The following PBX1 variants were observed in gnomAD, a reference collection of about 807,000 sequenced individuals.
PBX1 encodes the protein pre-B-cell leukemia transcription factor 1.
In PBX1, 6 loss-of-function variants were observed where a neutral mutation model predicts 53.4. That is an observed-to-expected ratio of 0.11 (90% CI 0.06 to 0.22). The LOEUF (loss-of-function observed/expected upper bound fraction) is 0.22. Among genes scored for constraint, PBX1 ranks in the 10% least tolerant of loss-of-function variants. PBX1 has a pLI of 1.00. For missense variants in PBX1, 251 were observed against 551.4 expected (o/e 0.46, Z 5.46); for synonymous variants, 204 against 212.3 (o/e 0.96, Z 0.34).
chr1:164,743,780 G>A (rs757248317), intron 2 of PBX1, among the ~76,000 whole-genome samples: 9 of 152,108 alleles, frequency 5.9e-5, no homozygotes, highest in Non-Finnish European at 1.2e-4. Flanking sequence ...AAGGAAGGAA[G>A]GAGAAGACTA....
At chr1:164,814,077 T>G (rs1480655169) in intron 6 of PBX1, 1 of 152,214 alleles carries the variant, frequency 6.6e-6, no homozygotes, top group African/African-American at 2.4e-5. Flanking sequence ...AAAATACTAT[T>G]GTATGTGTGC....
rs367944580 is a variant in PBX1, at chr1:164,718,708, A to G, written c.266-73786A>G. Reference sequence around the variant, plus strand: ...GCCAATGACAGAGGTTGCCTGACTGATGGTTGCCGGAGACTCAGAATGCTT... The same window carrying G: ...GCCAATGACAGAGGTTGCCTGACTGGTGGTTGCCGGAGACTCAGAATGCTT... On this transcript the variant is annotated intron_variant, in intron 2 of 8. Coordinates refer to ENST00000420696, the MANE Select transcript of PBX1 (RefSeq NM_002585.4). 1.9e-4 allele frequency among the ~76,000 whole-genome samples: 29 copies of G among 152,240 alleles called. No individual in the cohort carries two copies. The South Asian group carries it at 5.8e-3, about 31-fold the overall frequency.
chr1:164,645,851 G>A (rs537085429), intron 2 of PBX1, among the ~76,000 whole-genome samples: 2 of 152,270 alleles, frequency 1.3e-5, no homozygotes, highest in African/African-American at 4.8e-5. Flanking sequence ...TTCAGTCCAG[G>A]TTAACAATGG....
At chr1:164,723,928 G>A (rs536692242) in intron 2 of PBX1, among the ~76,000 whole-genome samples, 59 of 152,304 alleles carry the variant, frequency 3.9e-4, no homozygotes, top group Non-Finnish European at 2.8e-4. Context: ...TGAAGTGTGG[G>A]GAGTGTTTAC....
intron 2 of PBX1, among the ~76,000 whole-genome samples, chr1:164,876,403 C>G: frequency 6.8e-6 from 1 of 147,388 alleles, no homozygotes; most frequent in Non-Finnish European, 1.5e-5. Context: ...CTCGGTGGGA[C>G]AATTAGCAGA....
intron 2 of PBX1, among the ~76,000 whole-genome samples, chr1:164,756,527 T>C (rs1349137438): frequency 1.3e-5 from 2 of 152,206 alleles, no homozygotes; most frequent in Admixed American, 6.5e-5. Flanking sequence ...CACTTAGTTA[T>C]GAGGTCTTAA....
At chr1:164,780,471 G>C (rs1667877710) in intron 2 of PBX1, among the ~76,000 whole-genome samples, 1 of 152,148 alleles carries the variant, frequency 6.6e-6, no homozygotes, top group Non-Finnish European at 1.5e-5. Context: ...TCAAGTTCAA[G>C]AAAAGTTAAA....
At chr1:164,870,320 T>TCTTTCTTC (rs1558053731) in intron 2 of PBX1, among the ~76,000 whole-genome samples, 1 of 105,802 alleles carries the variant, frequency 9.5e-6, no homozygotes, top group Non-Finnish European at 1.9e-5. Context: ...TTTCTTTCTT[T>TCTTTCTTC]CTTTCTTTCT....
At chr1:164,735,121 TAA>T (rs1390387116) in intron 2 of PBX1, among the ~76,000 whole-genome samples, 1 of 152,230 alleles carries the variant, frequency 6.6e-6, no homozygotes, top group Non-Finnish European at 1.5e-5. Context: ...ATTGATAATG[TAA>T]ATGTATTCAT....
chr1:164,759,157 TA>T (rs1311344273), intron 2 of PBX1, among the ~76,000 whole-genome samples: 3 of 152,186 alleles, frequency 2.0e-5, no homozygotes, highest in Non-Finnish European at 4.4e-5. Context: ...TCCTACTATC[TA>T]AAAAAATATG....
At chr1:164,669,069 A>G (rs79228013) in intron 2 of PBX1, among the ~76,000 whole-genome samples, 4,910 of 151,594 alleles carry the variant, frequency 0.032, 277 homozygotes, top group African/African-American at 0.11. Flanking sequence ...AGGGGGTAAC[A>G]TTTTCCTCTT....
intron 2 of PBX1, among the ~76,000 whole-genome samples, chr1:164,569,762 T>C (rs1406090056): frequency 6.6e-6 from 1 of 151,988 alleles, no homozygotes; most frequent in African/African-American, 2.4e-5. Flanking sequence ...GGTTTCGCCC[T>C]GTTGGCCAGG....
chr1:164,861,876 A>G (rs1672106952), intron 2 of PBX1, among the ~76,000 whole-genome samples: 1 of 152,200 alleles, frequency 6.6e-6, no homozygotes, highest in African/African-American at 2.4e-5. Context: ...AGGAATTGCA[A>G]GGAGCCCAAG....
At chr1:164,827,487 T>A (rs890560530) in intron 8 of PBX1, among the ~76,000 whole-genome samples, 4 of 152,158 alleles carry the variant, frequency 2.6e-5, no homozygotes, top group Non-Finnish European at 5.9e-5. Flanking sequence ...CAGACCAGAC[T>A]GTATAGTGTT....
intron 2 of PBX1, among the ~76,000 whole-genome samples, chr1:164,570,811 G>A (rs1653792772): frequency 6.6e-6 from 1 of 152,116 alleles, no homozygotes; most frequent in Non-Finnish European, 1.5e-5. Context: ...TGAATAATTT[G>A]CACTGTCACC....
intron 2 of PBX1, among the ~76,000 whole-genome samples, chr1:164,644,394 C>T (rs1436725169): frequency 6.6e-6 from 1 of 152,116 alleles, no homozygotes; most frequent in African/African-American, 2.4e-5. Flanking sequence ...ATCTTTGGAG[C>T]AGTCTATATT....
chr1:164,793,252 C>T (rs530640433), intron 3 of PBX1, among the ~76,000 whole-genome samples: 2 of 152,252 alleles, frequency 1.3e-5, no homozygotes, highest in East Asian at 3.9e-4. Context: ...TACCCAGACT[C>T]AGTTCAATTG....
At chr1:164,869,538 T>G (rs537244265) in intron 2 of PBX1, among the ~76,000 whole-genome samples, 12 of 152,350 alleles carry the variant, frequency 7.9e-5, no homozygotes, top group African/African-American at 2.6e-4. Context: ...ACTCATTTAA[T>G]GAGAGTTTAC....
intron 2 of PBX1, among the ~76,000 whole-genome samples, chr1:164,574,685 TA>T (rs1220422639): frequency 1.3e-5 from 2 of 152,108 alleles, no homozygotes; most frequent in Non-Finnish European, 2.9e-5. Flanking sequence ...ATAGTGGAAT[TA>T]AAAAAATTTT....
Sources: gnomAD v4.1 joint callset for allele counts (sites outside exome capture counted in the v4.1 genomes callset) on GRCh38, gnomAD v4.1.1 for gene constraint, MANE v1.5 for transcripts, NCBI Gene and HGNC (gene_info 2026-07-23, HGNC 2026-07-21) for gene names.